DDX10: variants seen among roughly 807,000 people sequenced by gnomAD.
DDX10 encodes probable ATP-dependent RNA helicase DDX10.
In DDX10, 74 loss-of-function variants were observed where a neutral mutation model predicts 104.3. The ratio of observed to expected loss-of-function variants is 0.71; its 90% CI spans 0.59 to 0.86. DDX10 has a LOEUF of 0.86. Ranked by LOEUF, DDX10 falls within the 40% of genes least tolerant of loss-of-function variation. DDX10 has a pLI of 0.00. For missense variants in DDX10, 952 were observed against 1,040.0 expected (o/e 0.92, Z 1.16); for synonymous variants, 351 against 353.4 (o/e 0.99, Z 0.08).
intron 13 of DDX10, among the ~76,000 whole-genome samples, chr11:108,757,587 C>G (rs1324589783): frequency 6.6e-6 from 1 of 152,054 alleles, no homozygotes. Flanking sequence ...AATTAAGCCA[C>G]CTTAATAATC....
intron 13 of DDX10, among the ~76,000 whole-genome samples, chr11:108,730,433 T>C (rs1241975262): frequency 1.3e-5 from 2 of 152,302 alleles, no homozygotes; most frequent in South Asian, 2.1e-4. Context: ...AAGGAAAATA[T>C]TGTCTTACTG....
intron 13 of DDX10, among the ~76,000 whole-genome samples, chr11:108,826,964 T>C (rs1029727715): frequency 3.5e-4 from 54 of 152,354 alleles, no homozygotes; most frequent in Admixed American, 3.4e-3. Context: ...TTGAGTCAAA[T>C]TATGATGCTA....
intron 16 of DDX10, among the ~76,000 whole-genome samples, chr11:108,879,317 C>T (rs779198900): frequency 6.6e-6 from 1 of 152,094 alleles, no homozygotes; most frequent in Non-Finnish European, 1.5e-5. Context: ...TCTAAGTCTT[C>T]TAAACATTTG....
At chr11:108,728,210 T>G (rs1181394196) in intron 13 of DDX10, among the ~76,000 whole-genome samples, 4 of 152,154 alleles carry the variant, frequency 2.6e-5, no homozygotes, top group Admixed American at 6.6e-5. Context: ...TAGGTTCCTT[T>G]CCTCTCAGTC....
At position 108,925,122 on chromosome 11, in the gene DDX10, G is replaced by C. The variant is rs1863890774; in HGVS notation, c.2450+7104G>C. Among the ~76,000 whole-genome samples the C allele has an allele frequency of 2.6e-5, 4 of 152,238 alleles. No individual in the cohort carries two copies. The South Asian group carries it at 8.3e-4, about 32-fold the overall frequency. Reference sequence around the variant, plus strand: ...CATTTGAAAATAAGAACAATATTTGGAGAAACTCCTGAGGCAGATTGTTGG... The same window carrying C: ...CATTTGAAAATAAGAACAATATTTGCAGAAACTCCTGAGGCAGATTGTTGG... On this transcript the variant is annotated intron_variant, in intron 17 of 17. Coordinates refer to ENST00000322536, the MANE Select transcript of DDX10 (RefSeq NM_004398.4).
In DDX10 at chr11:108,692,056, C is replaced by A. The variant is rs750986592; in HGVS notation, c.1138+18C>A. 1.3e-6 allele frequency: 2 copies of A among 1,572,260 alleles called. No individual in the cohort carries two copies. Among genetic ancestry groups the A allele is most frequent in the Non-Finnish European group, 1.7e-6 (2 of 1,157,318 alleles). ...GGGTCTGGGTAAGAAAACTTCCTATCATGAAATTTCTGTGATTGTGTGAAA... is the reference window on the plus strand; with the variant it reads ...GGGTCTGGGTAAGAAAACTTCCTATAATGAAATTTCTGTGATTGTGTGAAA... On this transcript the variant is annotated intron_variant, in intron 8 of 17. Transcript: ENST00000322536.
At chr11:108,799,966 T>A (rs908505278) in intron 13 of DDX10, among the ~76,000 whole-genome samples, 2 of 152,084 alleles carry the variant, frequency 1.3e-5, no homozygotes, top group Admixed American at 6.6e-5. Context: ...TTACCCAGGC[T>A]GAAGCGCAGT....
chr11:108,722,918 CTT>C, intron 12 of DDX10, 77 bp from the exon 13 acceptor site: 1 of 1,476,224 alleles, frequency 6.8e-7, no homozygotes, highest in Non-Finnish European at 9.0e-7. Flanking sequence ...AATCTCTGCT[CTT>C]GAGAAACTCT....
At chr11:108,835,087 A>T (rs1312460460) in intron 13 of DDX10, among the ~76,000 whole-genome samples, 1 of 152,096 alleles carries the variant, frequency 6.6e-6, no homozygotes, top group Non-Finnish European at 1.5e-5. Flanking sequence ...AGGCTGACAG[A>T]AGTGGGGGTC....
At chr11:108,771,490 G>A (rs1010594292) in intron 13 of DDX10, among the ~76,000 whole-genome samples, 7 of 151,990 alleles carry the variant, frequency 4.6e-5, no homozygotes, top group Admixed American at 6.6e-5. Context: ...GACTACAGGC[G>A]CCTGCCACCA....
intron 1 of DDX10, among the ~76,000 whole-genome samples, chr11:108,667,912 TA>T (rs1308288401): frequency 6.6e-6 from 1 of 152,148 alleles, no homozygotes; most frequent in African/African-American, 2.4e-5. Context: ...TTAACTTTTT[TA>T]AAAAAACTCT....
chr11:108,703,985 C>G (rs2094272264), intron 9 of DDX10, among the ~76,000 whole-genome samples: 1 of 152,068 alleles, frequency 6.6e-6, no homozygotes, highest in Non-Finnish European at 1.5e-5. Context: ...TCTTTTTCTT[C>G]TAAAATTCCA....
At chr11:108,890,451 A>G (rs983862917) in intron 16 of DDX10, among the ~76,000 whole-genome samples, 1 of 151,916 alleles carries the variant, frequency 6.6e-6, no homozygotes, top group Non-Finnish European at 1.5e-5. Context: ...CAGAGCCGCT[A>G]CTTTGCTCTC....
At chr11:108,789,034 AC>A (rs778749326) in intron 13 of DDX10, among the ~76,000 whole-genome samples, 11 of 152,102 alleles carry the variant, frequency 7.2e-5, no homozygotes, top group Non-Finnish European at 1.3e-4. Context: ...AGTGAGACAC[AC>A]CCCACTCCCC....
chr11:108,788,014 C>G (rs1196362426), intron 13 of DDX10, among the ~76,000 whole-genome samples: 1 of 152,198 alleles, frequency 6.6e-6, no homozygotes, highest in Non-Finnish European at 1.5e-5. Context: ...CTTAAAATGG[C>G]TATTTTGTCT....
intron 9 of DDX10, among the ~76,000 whole-genome samples, chr11:108,699,378 G>A (rs977373471): frequency 2.0e-5 from 3 of 152,144 alleles, no homozygotes; most frequent in Non-Finnish European, 4.4e-5. Flanking sequence ...CTATCACAAG[G>A]CTGTAATGAA....
At chr11:108,724,420 A>G (rs2094302616) in intron 13 of DDX10, among the ~76,000 whole-genome samples, 1 of 152,094 alleles carries the variant, frequency 6.6e-6, no homozygotes, top group South Asian at 2.1e-4. Flanking sequence ...GACGGAAAAA[A>G]AATAACTGTG....
intron 1 of DDX10, among the ~76,000 whole-genome samples, chr11:108,672,886 A>G (rs1474826395): frequency 1.3e-5 from 2 of 152,264 alleles, no homozygotes; most frequent in African/African-American, 2.4e-5. Flanking sequence ...TCAAAGCATG[A>G]CAGACATTTC....
intron 4 of DDX10, among the ~76,000 whole-genome samples, chr11:108,677,534 T>C (rs2094227381): frequency 6.6e-6 from 1 of 151,914 alleles, no homozygotes; most frequent in Non-Finnish European, 1.5e-5. Context: ...GAAAGATATT[T>C]CCATATATGA....
Sources: allele counts gnomAD v4.1 joint callset (sites outside exome capture counted in the v4.1 genomes callset), GRCh38; gene constraint gnomAD v4.1.1; transcripts MANE v1.5; gene names NCBI Gene and HGNC (gene_info 2026-07-23, HGNC 2026-07-21).